The following ZBTB46 variants were observed in gnomAD, a reference collection of about 807,000 sequenced individuals.
ZBTB46 encodes zinc finger and BTB domain containing 46.
In ZBTB46, 8 loss-of-function variants were observed where a neutral mutation model predicts 44.1. That is an observed-to-expected ratio of 0.18 (90% CI 0.11 to 0.33). The LOEUF (loss-of-function observed/expected upper bound fraction) is 0.33. ZBTB46 is among the 10% of genes least tolerant of loss of function. ZBTB46 has a pLI of 1.00. For synonymous variants in ZBTB46, 409 were observed against 382.3 expected (o/e 1.07, Z -0.81); for missense variants, 651 against 847.7 (o/e 0.77, Z 2.88).
intron 1 of ZBTB46, among the ~76,000 whole-genome samples, chr20:63,808,978 AAAAAAAAAAAAAAAAAAAAAAGAAAAAG>A (rs954657164): frequency 1.2e-4 from 11 of 95,414 alleles, no homozygotes; most frequent in African/African-American, 4.7e-5. Context: ...CTCCGCTTCA[AAAAAAAAAAAAAAAAAAAAAAGAAAAAG>A]AAAAAAAAAA....
intron 1 of ZBTB46, among the ~76,000 whole-genome samples, chr20:63,801,982 T>A (rs1396249882): frequency 1.3e-5 from 2 of 152,208 alleles, no homozygotes; most frequent in African/African-American, 4.8e-5. Flanking sequence ...GCTATAATCC[T>A]GTGCTTATCC....
intron 2 of ZBTB46, among the ~76,000 whole-genome samples, 198 bp from the exon 3 acceptor site, chr20:63,776,160 C>T (rs537429133): frequency 1.0e-4 from 16 of 152,384 alleles, no homozygotes; most frequent in African/African-American, 3.1e-4. Flanking sequence ...TCCTGCCCAC[C>T]CAGGTCCCAT....
chr20:63,815,213 CG>C, intron 1 of ZBTB46: 1 of 223,194 alleles, frequency 4.5e-6, no homozygotes, highest in Admixed American at 5.9e-5. Context: ...GCAGTGGGCA[CG>C]AGTGCAAGTG....
intron 1 of ZBTB46, among the ~76,000 whole-genome samples, chr20:63,796,054 T>G (rs2092601291): frequency 6.6e-6 from 1 of 152,224 alleles, no homozygotes; most frequent in African/African-American, 2.4e-5. Flanking sequence ...TAGATGCCTG[T>G]GTCGCAGGAC....
intron 1 of ZBTB46, among the ~76,000 whole-genome samples, chr20:63,814,439 TTTAC>T (rs1263369819): frequency 1.3e-5 from 2 of 152,204 alleles, no homozygotes; most frequent in African/African-American, 4.8e-5. Context: ...TAATATAACT[TTTAC>T]AAAACTGGGA....
At chr20:63,806,128 A>T (rs976086991) in intron 1 of ZBTB46, among the ~76,000 whole-genome samples, 3 of 150,958 alleles carry the variant, frequency 2.0e-5, no homozygotes, top group Admixed American at 1.3e-4. Context: ...CTGGCTGGGA[A>T]AGGTGGCTCA....
At chr20:63,815,348 T>TAGGTGC (rs1281372202) in intron 1 of ZBTB46, among the ~76,000 whole-genome samples, 1 of 141,764 alleles carries the variant, frequency 7.1e-6, no homozygotes, top group Non-Finnish European at 1.5e-5. Context: ...ATAGGTGCAG[T>TAGGTGC]AGGTGCAGGT....
chr20:63,770,656 G>T (rs1347009438), intron 3 of ZBTB46, among the ~76,000 whole-genome samples: 1 of 152,132 alleles, frequency 6.6e-6, no homozygotes, highest in Non-Finnish European at 1.5e-5. Flanking sequence ...TCAGAAATCT[G>T]CGACCACCAT....
intron 1 of ZBTB46, among the ~76,000 whole-genome samples, chr20:63,791,823 G>C: frequency 6.6e-6 from 1 of 152,196 alleles, no homozygotes; most frequent in East Asian, 1.9e-4. Context: ...CCCCGTCCCG[G>C]AGTCTCTCCT....
intron 1 of ZBTB46, among the ~76,000 whole-genome samples, chr20:63,794,490 G>A (rs535328063): frequency 8.5e-5 from 13 of 152,102 alleles, no homozygotes; most frequent in African/African-American, 2.7e-4. Flanking sequence ...ACCACACCCT[G>A]ACAAAAAACG....
Position 63,767,187 on chromosome 20 carries a change from G to C in ZBTB46, c.1222+8491C>G, listed in dbSNP as rs1451888154. On this transcript the variant is annotated intron_variant, in intron 3 of 4. Coordinates refer to ENST00000245663, the MANE Select transcript of ZBTB46 (RefSeq NM_001369741.1). This position sits in a 1 kb window ranked among gnomAD's most constrained non-coding sequence, Gnocchi z 5.0. ...CACACCGCCAAGGACGCCGTGGCAG[G>C]CTTTGTCTTTCGATCTCCCTAGAAA... 2.0e-5 allele frequency among the ~76,000 whole-genome samples: 3 copies of C among 152,188 alleles called. No homozygotes were observed. Among genetic ancestry groups the C allele is most frequent in the African/African-American group, 7.2e-5 (3 of 41,458 alleles).
At chr20:63,811,307 C>T (rs182169381) in intron 1 of ZBTB46, among the ~76,000 whole-genome samples, 19 of 152,290 alleles carry the variant, frequency 1.2e-4, no homozygotes, top group African/African-American at 4.6e-4. Context: ...ACTAGGACCT[C>T]GGAGCTGCCA....
intron 2 of ZBTB46, among the ~76,000 whole-genome samples, chr20:63,786,843 C>G (rs1461352486): frequency 1.3e-5 from 2 of 152,126 alleles, no homozygotes; most frequent in Admixed American, 6.6e-5. Flanking sequence ...TGGGATTTCA[C>G]TACTTTGCCC....
Position 63,772,761 on chromosome 20 carries a change from A to ACC in ZBTB46, c.1222+2916_1222+2917insGG, listed in dbSNP as rs1406556600. 3.9e-3 allele frequency among the ~76,000 whole-genome samples: 94 copies of ACC among 24,274 alleles called. 1 individual carries two copies. Among genetic ancestry groups the ACC allele is most frequent in the African/African-American group, 5.6e-3 (20 of 3,576 alleles). The allele number at this position is 24,274 out of a possible 152,430, so 15.9% of individuals were successfully genotyped here. ...CACACACACACACACACACACACAC[A>ACC]CACACAGAAGTGCGGGGTGTGCCCT... On this transcript the variant is annotated intron_variant, in intron 3 of 4. Coordinates refer to ENST00000245663, the MANE Select transcript of ZBTB46 (RefSeq NM_001369741.1).
rs1415043754 is a variant in ZBTB46, at chr20:63,752,136, TG to T, written c.1398+549del. On this transcript the variant is annotated intron_variant, in intron 4 of 4. Coordinates refer to ENST00000245663, the MANE Select transcript of ZBTB46 (RefSeq NM_001369741.1). This position sits in a 1 kb window ranked among gnomAD's most constrained non-coding sequence, Gnocchi z 5.6. ...GCTGCCTGTGCCCCACCCGCCTCAC[TG>T]GTTGATCTCACCCACTTGAGATGCC... Among the ~76,000 whole-genome samples, 6 of 152,112 alleles carry T rather than the reference TG, an allele frequency of 3.9e-5. No homozygotes were observed. The highest frequency in any genetic ancestry group is 1.2e-4 in the African/African-American group (5 of 41,432).
At chr20:63,817,114 AAAG>A (rs1349074531) in intron 1 of ZBTB46, among the ~76,000 whole-genome samples, 3 of 103,748 alleles carry the variant, frequency 2.9e-5, no homozygotes, top group Admixed American at 9.7e-5. Flanking sequence ...TCAAAAAAAA[AAAG>A]AAAAGAAAAG....
Position 63,752,570 on chromosome 20 carries a change from T to G in ZBTB46, c.1398+116A>C, listed in dbSNP as rs4809333. On this transcript the variant is annotated intron_variant, in intron 4 of 4. Coordinates refer to ENST00000245663, the MANE Select transcript of ZBTB46 (RefSeq NM_001369741.1). The surrounding 1 kb of genome is among the most constrained non-coding windows in gnomAD (Gnocchi z 5.6). The stretch of plus-strand genomic sequence containing the variant: ...CTCCCTGCCCTGCTGTCGTCCCCCC[T>G]GTGCAGAGTGGACCCGGTGTGGGGT... 5.6e-6 allele frequency: 7 copies of G among 1,250,906 alleles called. No individual in the cohort carries two copies. The highest frequency in any genetic ancestry group is 7.3e-6 in the Non-Finnish European group (7 of 956,946). The allele number at this position is 1,250,906 out of a possible 1,614,324, so 77.5% of individuals were successfully genotyped here.
intron 1 of ZBTB46, among the ~76,000 whole-genome samples, chr20:63,809,277 G>A (rs147360311): frequency 2.0e-5 from 3 of 152,336 alleles, no homozygotes; most frequent in East Asian, 1.9e-4. Flanking sequence ...CGCCCAGCGC[G>A]TCCAGTCCTC....
intron 1 of ZBTB46, among the ~76,000 whole-genome samples, chr20:63,799,794 A>G (rs530554549): frequency 7.9e-5 from 12 of 152,322 alleles, no homozygotes; most frequent in African/African-American, 2.9e-4. Context: ...GAGAGTGGCC[A>G]GGACTAAGAG....
Sources: allele counts gnomAD v4.1 joint callset (sites outside exome capture counted in the v4.1 genomes callset), GRCh38; gene constraint gnomAD v4.1.1; non-coding constraint Gnocchi (gnomAD v3.1); transcripts MANE v1.5; gene names NCBI Gene and HGNC (gene_info 2026-07-23, HGNC 2026-07-21).